Variants in CIT observed in about 807,000 individuals in gnomAD.
The protein encoded by CIT is citron rho-interacting serine/threonine kinase.
CIT carries 79 observed loss-of-function variants against 272.7 expected under a neutral mutation model. The ratio of observed to expected loss-of-function variants is 0.29; its 90% CI spans 0.24 to 0.35. The LOEUF (loss-of-function observed/expected upper bound fraction) is 0.35. Ranked by LOEUF, CIT falls within the 10% of genes least tolerant of loss-of-function variation. The pLI is 1.00. For missense variants in CIT, 1,909 were observed against 2,618.3 expected (o/e 0.73, Z 5.91); for synonymous variants, 948 against 995.6 (o/e 0.95, Z 0.90).
chr12:119,732,864 C>T (rs1319091275), intron 26 of CIT, among the ~76,000 whole-genome samples: 3 of 152,138 alleles, frequency 2.0e-5, no homozygotes, highest in Admixed American at 6.5e-5. Flanking sequence ...AAAATGGATC[C>T]GATTCAGCTG....
chr12:119,797,420 T>C (rs554205787), intron 10 of CIT, among the ~76,000 whole-genome samples: 78 of 151,934 alleles, frequency 5.1e-4, no homozygotes, highest in Middle Eastern at 6.8e-3. Flanking sequence ...AAGGAAGAAA[T>C]TGAATGAGCA....
In CIT at chr12:119,869,178, T is replaced by C. The variant is rs1427680002; in HGVS notation, c.120A>G (p.Gln40=). ...CTCGGGAAAGAGGAGACATCTGCTGTTGAGTCATAAAGGGTGGTTTCCCCT... is the reference window on the plus strand; with the variant it reads ...CTCGGGAAAGAGGAGACATCTGCTGCTGAGTCATAAAGGGTGGTTTCCCCT... ...FFQGKPPFMT[Q]QQMSPLSREG... is the part of the protein sequence containing the mutation. Residue 40 remains glutamine, a synonymous_variant, in exon 3 of 48, where the codon CAA becomes CAG. Coordinates refer to ENST00000392521, the MANE Select transcript of CIT (RefSeq NM_001206999.2). 5.0e-6 allele frequency: 8 copies of C among 1,608,486 alleles called. No homozygotes were observed. Among genetic ancestry groups the C allele is most frequent in the Admixed American group, 1.7e-5 (1 of 57,692 alleles).
chr12:119,773,688 A>G (rs769547990), intron 16 of CIT, among the ~76,000 whole-genome samples: 8 of 152,220 alleles, frequency 5.3e-5, no homozygotes, highest in Non-Finnish European at 1.2e-4. Flanking sequence ...TCAGCCTCCC[A>G]AAGTGCTGGG....
At chr12:119,756,625 G>A (rs891437865) in intron 22 of CIT, among the ~76,000 whole-genome samples, 4 of 152,190 alleles carry the variant, frequency 2.6e-5, no homozygotes, top group African/African-American at 4.8e-5. Context: ...GAGCATTGCA[G>A]GGAGAGTAGC....
At chr12:119,753,098 C>T (rs966379105) in intron 22 of CIT, among the ~76,000 whole-genome samples, 3 of 151,882 alleles carry the variant, frequency 2.0e-5, no homozygotes, top group Middle Eastern at 3.2e-3. Flanking sequence ...AGGGAGACCA[C>T]GACACATCTA....
chr12:119,705,027 C>T (rs948059383), intron 40 of CIT, among the ~76,000 whole-genome samples: 2 of 152,214 alleles, frequency 1.3e-5, no homozygotes, highest in African/African-American at 4.8e-5. Context: ...ATTCTCCCAC[C>T]TCAGCCTCCC....
intron 9 of CIT, among the ~76,000 whole-genome samples, chr12:119,821,313 T>A (rs1480043271): frequency 6.6e-6 from 1 of 151,832 alleles, no homozygotes; most frequent in Admixed American, 6.6e-5. Flanking sequence ...AAAAAAAGAA[T>A]TTTTTAAAGC....
At chr12:119,833,480 C>G (rs1164434239) in intron 6 of CIT, among the ~76,000 whole-genome samples, 1 of 151,942 alleles carries the variant, frequency 6.6e-6, no homozygotes, top group Non-Finnish European at 1.5e-5. Context: ...TCCTGGCCAA[C>G]CTGGTGAAAC....
chr12:119,730,469 A>G (rs1347661091), intron 27 of CIT, 26 bp downstream of exon 27: 6 of 1,546,864 alleles, frequency 3.9e-6, no homozygotes, highest in Non-Finnish European at 8.8e-7. Context: ...ATGTTTTCCT[A>G]AAAAGCAGAA....
intron 16 of CIT, 54 bp downstream of exon 16, chr12:119,775,732 G>A: frequency 2.9e-6 from 4 of 1,378,924 alleles, no homozygotes; most frequent in Non-Finnish European, 4.1e-6. Flanking sequence ...AGGCAAAGAT[G>A]TTTGGAAAGG....
intron 5 of CIT, among the ~76,000 whole-genome samples, chr12:119,835,316 G>A (rs946848489): frequency 6.6e-6 from 1 of 152,218 alleles, no homozygotes; most frequent in Non-Finnish European, 1.5e-5. Flanking sequence ...AGCACTGTGT[G>A]AGGATTGAGT....
In CIT at chr12:119,713,811, G is replaced by T; in HGVS notation, c.4307-163C>A. Reference sequence around the variant, plus strand: ...GAGCTTCCCCTGGTGCCAGGCCCCTGCAGAAAGGGAAAACAAAAGTGCCAA... The same window carrying T: ...GAGCTTCCCCTGGTGCCAGGCCCCTTCAGAAAGGGAAAACAAAAGTGCCAA... On this transcript the variant is annotated intron_variant, in intron 33 of 47. Transcript: ENST00000392521. This position sits in a 1 kb window ranked among gnomAD's most constrained non-coding sequence, Gnocchi z 5.2. 1 of 720,678 alleles carries T rather than the reference G, an allele frequency of 1.4e-6. No individual in the cohort carries two copies. Among genetic ancestry groups the T allele is most frequent in the Non-Finnish European group, 2.3e-6 (1 of 436,454 alleles). The allele number at this position is 720,678 out of a possible 1,614,324, so 44.6% of individuals were successfully genotyped here. A position where few individuals can be genotyped will look rare whatever the true frequency, so the allele number is the denominator to read the frequency against.
In CIT at chr12:119,734,266, C is replaced by T. The variant is rs368207202; in HGVS notation, c.3248G>A (p.Arg1083Gln). 31 of 1,614,020 alleles carry T rather than the reference C, an allele frequency of 1.9e-5. No individual in the cohort carries two copies. The highest frequency in any genetic ancestry group is 2.2e-5 in the East Asian group (1 of 44,876). The change falls in exon 26 of 48, where the codon CGG becomes CAG. Residue 1083 changes from arginine (R) to glutamine (Q), a missense_variant. Arg to Gln is a conservative substitution (Grantham distance 43, BLOSUM62 1). Around this residue, in one of 8 missense-constraint regions of CIT, gnomAD observed 530 missense variants for 822.4 expected, o/e 0.64. Transcript: ENST00000392521. ...ALNDELLEKE[R>Q]QWEAWRSVLG... ...GACGCTCCTCCAGGCCTCCCACTGC[C>T]GCTCTTTTTCTAGCAGCTCATCGTT...
chr12:119,801,034 C>T (rs1966153250), intron 10 of CIT, among the ~76,000 whole-genome samples: 1 of 152,188 alleles, frequency 6.6e-6, no homozygotes, highest in African/African-American at 2.4e-5. Flanking sequence ...AACCCCGTTG[C>T]CAAGCTTTGA....
chr12:119,767,054 G>A lies in CIT; in HGVS notation c.2304+33C>T, dbSNP rs752847182. 2.6e-6 allele frequency: 4 copies of A among 1,545,130 alleles called. No individual in the cohort carries two copies. The East Asian group carries it at 9.1e-5, about 35-fold the overall frequency. On this transcript the variant is annotated intron_variant, in intron 19 of 47. Transcript: ENST00000392521. The stretch of plus-strand genomic sequence containing the variant: ...ATGGGAGCTACATGGTACTATAGGA[G>A]CAAGGCCAGGGAAGATCAGAAAATG...
intron 28 of CIT, among the ~76,000 whole-genome samples, chr12:119,727,218 C>T (rs1375681879): frequency 3.3e-5 from 5 of 152,222 alleles, no homozygotes; most frequent in Admixed American, 2.0e-4. Flanking sequence ...CTCTGGCCTT[C>T]ATGACATAGT....
intron 23 of CIT, among the ~76,000 whole-genome samples, chr12:119,743,661 T>C (rs1959166893): frequency 6.6e-6 from 1 of 152,248 alleles, no homozygotes. Flanking sequence ...GTACTTTCCA[T>C]GGTAAAACCT....
chr12:119,725,797 A>G (rs1024149102), intron 28 of CIT, among the ~76,000 whole-genome samples: 1 of 152,240 alleles, frequency 6.6e-6, no homozygotes, highest in Non-Finnish European at 1.5e-5. Flanking sequence ...TGTCAGGGCC[A>G]ACTCGCCCTC....
intron 5 of CIT, among the ~76,000 whole-genome samples, chr12:119,848,607 G>A (rs73418576): frequency 0.019 from 2,854 of 152,254 alleles, 88 homozygotes; most frequent in African/African-American, 0.065. Flanking sequence ...GTAGACCTGC[G>A]TTACTGACAA....
Sources: gnomAD v4.1 joint callset for allele counts (sites outside exome capture counted in the v4.1 genomes callset) on GRCh38, gnomAD v4.1.1 for gene constraint, gnomAD v4.1.1 regional missense constraint, Gnocchi (gnomAD v3.1) non-coding constraint, MANE v1.5 for transcripts, NCBI Gene and HGNC (gene_info 2026-07-23, HGNC 2026-07-21) for gene names.